Variants in EPHA3 observed in about 807,000 individuals in gnomAD.
The protein encoded by EPHA3 is EPH receptor A3.
In EPHA3, 42 loss-of-function variants were observed where a neutral mutation model predicts 107.1. That is an observed-to-expected ratio of 0.39 (90% CI 0.31 to 0.51). The LOEUF (loss-of-function observed/expected upper bound fraction) is 0.51. EPHA3 is among the 20% of genes least tolerant of loss of function. EPHA3 has a pLI of 0.78. For synonymous variants in EPHA3, 461 were observed against 424.8 expected, an observed-to-expected ratio of 1.09 and a Z score of -1.05; for missense variants, 1,183 against 1,211.2, an observed-to-expected ratio of 0.98 and a Z score of 0.35.
Position 89,399,472 on chromosome 3 carries a change from G to A in EPHA3, c.1586G>A (p.Ser529Asn), listed in dbSNP as rs1708914472. 3 of 1,614,014 alleles carry A rather than the reference G, an allele frequency of 1.9e-6. No homozygotes were observed. The South Asian group carries it at 3.3e-5, about 18-fold the overall frequency. Residue 529 changes from serine (S) to asparagine (N), a missense_variant, in exon 7 of 17, where the codon AGT (serine) becomes AAT (asparagine). By Grantham distance (46) the Ser-to-Asn change is conservative. Coordinates refer to ENST00000336596, the MANE Select transcript of EPHA3 (RefSeq NM_005233.6). ...AGCCGCAAGTTTGAGTTTGAAACTA[G>A]TCCAGACTGTATGTATTATTTCAAT... ...TNSRKFEFET[S>N]PDSFSISGES...
At chr3:89,223,516 G>T (rs1302739759) in intron 3 of EPHA3, among the ~76,000 whole-genome samples, 1 of 152,172 alleles carries the variant, frequency 6.6e-6, no homozygotes, top group Non-Finnish European at 1.5e-5. Flanking sequence ...GGTCATGATT[G>T]CAGAGGAATC....
At chr3:89,200,925 C>T (rs1705953540) in intron 2 of EPHA3, among the ~76,000 whole-genome samples, 1 of 152,134 alleles carries the variant, frequency 6.6e-6, no homozygotes, top group East Asian at 1.9e-4. Context: ...CTGGCTCCTG[C>T]CTTGTGCCCT....
chr3:89,345,824 A>T (rs1707637043), intron 5 of EPHA3, among the ~76,000 whole-genome samples: 2 of 116,860 alleles, frequency 1.7e-5, no homozygotes, highest in East Asian at 2.5e-4. Flanking sequence ...TGTCCATGTG[A>T]TCTCATTGTT....
At chr3:89,139,158 C>G (rs1010066683) in intron 2 of EPHA3, among the ~76,000 whole-genome samples, 1 of 151,798 alleles carries the variant, frequency 6.6e-6, no homozygotes, top group Non-Finnish European at 1.5e-5. Flanking sequence ...ATCCAGCAAT[C>G]GGGGAGACAG....
At chr3:89,454,277 C>T (rs940387807) in intron 15 of EPHA3, among the ~76,000 whole-genome samples, 1 of 152,114 alleles carries the variant, frequency 6.6e-6, no homozygotes, top group African/African-American at 2.4e-5. Flanking sequence ...AAATAATGGA[C>T]TCACAGACAT....
intron 10 of EPHA3, among the ~76,000 whole-genome samples, chr3:89,416,237 C>A (rs1709243665): frequency 6.6e-6 from 1 of 151,042 alleles, no homozygotes; most frequent in South Asian, 2.1e-4. Flanking sequence ...TATAAATATA[C>A]CTATTTCAAA....
chr3:89,377,033 A>G (rs1267634838), intron 5 of EPHA3, among the ~76,000 whole-genome samples: 2 of 151,966 alleles, frequency 1.3e-5, no homozygotes, highest in African/African-American at 4.8e-5. Flanking sequence ...TAGTTTTTGG[A>G]GTTGCTTCCC....
chr3:89,184,635 A>G (rs1367582183), intron 2 of EPHA3, among the ~76,000 whole-genome samples: 1 of 152,044 alleles, frequency 6.6e-6, no homozygotes, highest in Non-Finnish European at 1.5e-5. Context: ...TTAAAAATCA[A>G]TGAAAGATAC....
In EPHA3 at chr3:89,283,435, G is replaced by A. The variant is rs1264666494; in HGVS notation, c.815-57481G>A. On this transcript the variant is annotated intron_variant, in intron 3 of 16. Coordinates refer to ENST00000336596, the MANE Select transcript of EPHA3 (RefSeq NM_005233.6). ...GAGTAAACTACTAATAATATTATAA[G>A]GGAAGAAAAACTGAATTACGTATTT... Among the ~76,000 whole-genome samples the A allele has an allele frequency of 2.6e-5, 4 of 152,022 alleles. No individual in the cohort carries two copies. The East Asian group carries it at 5.8e-4, about 22-fold the overall frequency.
intron 5 of EPHA3, among the ~76,000 whole-genome samples, chr3:89,347,885 G>A (rs1559657299): frequency 6.6e-6 from 1 of 151,198 alleles, no homozygotes; most frequent in Non-Finnish European, 1.5e-5. Context: ...TGTGGTTTTT[G>A]TCTTTGGCTC....
At position 89,480,558 on chromosome 3, in the gene EPHA3, G is replaced by C. The variant is rs1710603561; in HGVS notation, c.*1056G>C. The C allele has an allele frequency of 1.7e-5, 4 of 232,800 alleles. No individual in the cohort carries two copies. The highest frequency in any genetic ancestry group is 1.1e-4 in the Admixed American group (2 of 17,768). 14.4% of individuals were successfully genotyped at this position (232,800 alleles called of 1,614,324 possible). On this transcript the variant is annotated 3_prime_UTR_variant, in exon 17 of 17. Transcript: ENST00000336596. ...CCGAGAATAGCTCCACTGGAGAGAA[G>C]TGGAATCCTATATAGAATGCTGCAC...
At chr3:89,119,530 A>G (rs2106956472) in intron 1 of EPHA3, among the ~76,000 whole-genome samples, 1 of 152,216 alleles carries the variant, frequency 6.6e-6, no homozygotes, top group South Asian at 2.1e-4. Flanking sequence ...ACCCAAAAAC[A>G]AGTCTTGAAG....
chr3:89,337,066 G>GAAA (rs531242644), intron 3 of EPHA3, among the ~76,000 whole-genome samples: 20 of 98,982 alleles, frequency 2.0e-4, no homozygotes, highest in Non-Finnish European at 3.7e-4. Flanking sequence ...CTCAAAAAAA[G>GAAA]AAAAAAAAAA....
intron 3 of EPHA3, among the ~76,000 whole-genome samples, chr3:89,269,921 C>G (rs546097890): frequency 6.6e-6 from 1 of 151,832 alleles, no homozygotes; most frequent in Non-Finnish European, 1.5e-5. Context: ...AAATTCTCTG[C>G]CTTTGACTCA....
chr3:89,183,943 C>T (rs1705501968), intron 2 of EPHA3, among the ~76,000 whole-genome samples: 2 of 151,840 alleles, frequency 1.3e-5, no homozygotes, highest in Admixed American at 1.3e-4. Flanking sequence ...TCATTTAAAT[C>T]ATATTACTAT....
intron 2 of EPHA3, among the ~76,000 whole-genome samples, chr3:89,142,141 AC>A (rs1424402251): frequency 1.3e-5 from 2 of 151,424 alleles, no homozygotes; most frequent in Non-Finnish European, 3.0e-5. Flanking sequence ...CATTTGGTTG[AC>A]AAAAGGGAGG....
intron 2 of EPHA3, among the ~76,000 whole-genome samples, chr3:89,202,281 C>T (rs1705985760): frequency 6.6e-6 from 1 of 151,800 alleles, no homozygotes; most frequent in African/African-American, 2.4e-5. Context: ...GATCACTTGA[C>T]GCCAGGGGTT....
chr3:89,270,144 T>A (rs1047327192), intron 3 of EPHA3, among the ~76,000 whole-genome samples: 3 of 152,022 alleles, frequency 2.0e-5, no homozygotes, highest in African/African-American at 7.2e-5. Context: ...TTGAAACTAA[T>A]TATTATATAA....
rs190328488 is a variant in EPHA3 at position 89,161,617 on chromosome 3, A to G, written c.153+34344A>G. On this transcript the variant is annotated intron_variant, in intron 2 of 16. Transcript: ENST00000336596. ...GGGCAGTCATTCATTTTATATATAC[A>G]TATAAAACAAAAACAGTGGCTGTAA... is the stretch of plus-strand genomic sequence containing the variant. Among the ~76,000 whole-genome samples the G allele has an allele frequency of 3.6e-3, 541 of 152,214 alleles. 2 individuals carry two copies. The highest frequency in any genetic ancestry group is 5.2e-3 in the Admixed American group (79 of 15,280).
Sources: allele counts gnomAD v4.1 joint callset (sites outside exome capture counted in the v4.1 genomes callset), GRCh38; gene constraint gnomAD v4.1.1; transcripts MANE v1.5; gene names NCBI Gene and HGNC (gene_info 2026-07-23, HGNC 2026-07-21).